MICU1: variants seen among roughly 807,000 people sequenced by gnomAD.
MICU1 encodes the protein mitochondrial calcium uptake 1.
Under a neutral mutation model 56.8 loss-of-function variants are expected in MICU1, and 45 were observed. That is an observed-to-expected ratio of 0.79 (90% CI 0.62 to 1.02). The LOEUF (loss-of-function observed/expected upper bound fraction) is 1.02. Ranked by LOEUF, MICU1 falls within the 50% of genes least tolerant of loss-of-function variation. MICU1 has a pLI of 0.00. For synonymous variants in MICU1, 186 were observed against 195.1 expected, an observed-to-expected ratio of 0.95 and a Z score of 0.39; for missense variants, 504 against 587.1, an observed-to-expected ratio of 0.86 and a Z score of 1.46.
At chr10:72,515,775 A>C (rs1329004149) in intron 5 of MICU1, among the ~76,000 whole-genome samples, 3 of 152,224 alleles carry the variant, frequency 2.0e-5, no homozygotes, top group Non-Finnish European at 4.4e-5. Flanking sequence ...CAAAAATCTA[A>C]TGTATAATAG....
chr10:72,574,931 A>G (rs757869660), intron 1 of MICU1, among the ~76,000 whole-genome samples: 8 of 152,224 alleles, frequency 5.3e-5, no homozygotes, highest in Non-Finnish European at 8.8e-5. Context: ...CGCTCAAAAA[A>G]AGGACTAGGT....
chr10:72,573,565 C>T (rs1825423079), intron 1 of MICU1, among the ~76,000 whole-genome samples: 1 of 151,974 alleles, frequency 6.6e-6, no homozygotes, highest in African/African-American at 2.4e-5. Flanking sequence ...TACAGTATTT[C>T]ATATTAGCAT....
chr10:72,378,761 T>C (rs1029123851), intron 10 of MICU1, among the ~76,000 whole-genome samples: 8 of 152,174 alleles, frequency 5.3e-5, no homozygotes, highest in African/African-American at 1.9e-4. Flanking sequence ...ACCACCAACG[T>C]GCTGTGTGAC....
intron 1 of MICU1, among the ~76,000 whole-genome samples, chr10:72,612,110 T>C (rs1322879824): frequency 2.0e-5 from 3 of 151,574 alleles, no homozygotes; most frequent in Non-Finnish European, 2.9e-5. Context: ...CCTATCAAAC[T>C]ACGCTACGGA....
intron 8 of MICU1, among the ~76,000 whole-genome samples, chr10:72,441,615 CTTTTTTTTTTT>C (rs71018287): frequency 9.5e-6 from 1 of 105,474 alleles, no homozygotes; most frequent in Non-Finnish European, 1.8e-5. Context: ...TTTAATTTTT[CTTTTTTTTTTT>C]TTTTTTTTGA....
intron 9 of MICU1, among the ~76,000 whole-genome samples, 181 bp downstream of exon 9, chr10:72,423,053 G>A (rs574491206): frequency 7.9e-5 from 12 of 152,108 alleles, no homozygotes; most frequent in Non-Finnish European, 1.5e-4. Flanking sequence ...GATTCTGGAC[G>A]CTCTCCTCTT....
chr10:72,431,420 G>A (rs1308318468), intron 8 of MICU1, among the ~76,000 whole-genome samples: 1 of 152,114 alleles, frequency 6.6e-6, no homozygotes, highest in Non-Finnish European at 1.5e-5. Flanking sequence ...GTAAGCCATC[G>A]TGCCCAGCTT....
At chr10:72,540,870 G>C (rs971994083) in intron 4 of MICU1, among the ~76,000 whole-genome samples, 4 of 152,054 alleles carry the variant, frequency 2.6e-5, no homozygotes, top group Admixed American at 6.5e-5. Context: ...CTTATATCTT[G>C]GCCATCTATA....
chr10:72,570,439 C>T (rs1018967926), intron 1 of MICU1, among the ~76,000 whole-genome samples: 1 of 152,066 alleles, frequency 6.6e-6, no homozygotes, highest in Admixed American at 6.6e-5. Flanking sequence ...TGTGTACAAA[C>T]TATACAGGTA....
At chr10:72,466,707 C>T (rs1272718527) in intron 8 of MICU1, among the ~76,000 whole-genome samples, 3 of 152,170 alleles carry the variant, frequency 2.0e-5, no homozygotes, top group South Asian at 2.1e-4. Context: ...GTTCTAGTTC[C>T]AACAAGTGTT....
chr10:72,558,568 C>G (rs892819582), intron 3 of MICU1, among the ~76,000 whole-genome samples: 13 of 152,072 alleles, frequency 8.5e-5, no homozygotes, highest in Admixed American at 2.0e-4. Context: ...AAGCTGCTAC[C>G]TAGAGAAAAT....
At position 72,559,263 on chromosome 10, in the gene MICU1, T is replaced by TGGG. The variant is rs541690486; in HGVS notation, c.330+3629_330+3631dup. On this transcript the variant is annotated intron_variant, in intron 3 of 11. Coordinates refer to ENST00000361114, the MANE Select transcript of MICU1 (RefSeq NM_001195518.2). ...GTTTACCTCTGAAGAAGATGGAAGA[T>TGGG]GGGGGAGGAAAGGGACTGAAGGGGA... 2.1e-4 allele frequency among the ~76,000 whole-genome samples: 32 copies of TGGG among 152,078 alleles called. No homozygotes were observed. In the East Asian group the frequency reaches 6.0e-3, roughly 28 times the overall value.
At chr10:72,513,663 G>A (rs1053180521) in intron 5 of MICU1, among the ~76,000 whole-genome samples, 8 of 152,078 alleles carry the variant, frequency 5.3e-5, no homozygotes, top group East Asian at 1.9e-4. Context: ...TCTACTAAGG[G>A]TTTTACAGCA....
chr10:72,481,154 A>G (rs1374483854), intron 6 of MICU1, among the ~76,000 whole-genome samples: 2 of 152,188 alleles, frequency 1.3e-5, no homozygotes, highest in Non-Finnish European at 2.9e-5. Flanking sequence ...AGCCTATTCA[A>G]TTTCATTGGC....
intron 6 of MICU1, among the ~76,000 whole-genome samples, chr10:72,479,541 T>C (rs1009551262): frequency 6.6e-6 from 1 of 152,156 alleles, no homozygotes; most frequent in African/African-American, 2.4e-5. Flanking sequence ...TGTGTTTTTG[T>C]TTTTTGGGAC....
chr10:72,382,868 C>T (rs1862762933), intron 10 of MICU1, among the ~76,000 whole-genome samples: 1 of 152,212 alleles, frequency 6.6e-6, no homozygotes, highest in Admixed American at 6.5e-5. Flanking sequence ...AAGATCACGC[C>T]ACTGCACTCC....
chr10:72,619,139 G>A (rs1286091509), intron 1 of MICU1, among the ~76,000 whole-genome samples: 1 of 151,928 alleles, frequency 6.6e-6, no homozygotes, highest in African/African-American at 2.4e-5. Flanking sequence ...TTTCTATTCT[G>A]ACTTTTAAAA....
intron 5 of MICU1, among the ~76,000 whole-genome samples, chr10:72,512,107 G>GTTTTTTTTTTTTTTTTTTTTTTT (rs869183579): frequency 3.4e-5 from 1 of 29,524 alleles, no homozygotes; most frequent in African/African-American, 9.3e-5. Context: ...GTTGTTTTTT[G>GTTTTTTTTTTTTTTTTTTTTTTT]TTTTTTTTTT....
chr10:72,513,350 ATCT>A (rs1404023778), intron 5 of MICU1, among the ~76,000 whole-genome samples: 2 of 152,136 alleles, frequency 1.3e-5, no homozygotes, highest in Non-Finnish European at 2.9e-5. Context: ...CCATCTGTAT[ATCT>A]TCTTTGGAGA....
Sources: gnomAD v4.1 joint callset for allele counts (sites outside exome capture counted in the v4.1 genomes callset) on GRCh38, gnomAD v4.1.1 for gene constraint, MANE v1.5 for transcripts, NCBI Gene and HGNC (gene_info 2026-07-23, HGNC 2026-07-21) for gene names.